Variants in SEC14L3 observed in about 807,000 individuals in gnomAD.
SEC14L3 encodes SEC14 like lipid binding 3, also known as SEC14-like protein 3.
A neutral mutation model predicts 57.4 loss-of-function variants in SEC14L3; 56 were observed. The ratio of observed to expected loss-of-function variants is 0.97; its 90% confidence interval spans 0.79 to 1.22. The LOEUF (loss-of-function observed/expected upper bound fraction) is 1.22, where lower values mean the gene tolerates loss of function less well. Among genes scored for constraint, SEC14L3 ranks in the 50% most tolerant of loss-of-function variants. The pLI, the probability that SEC14L3 is intolerant of heterozygous loss-of-function variation, is 0.00. For missense variants in SEC14L3, 485 were observed against 511.7 expected, an observed-to-expected ratio of 0.95 and a Z score of 0.50; for synonymous variants, 173 against 194.4, an observed-to-expected ratio of 0.89 and a Z score of 0.92.
At chr22:30,456,490 C>T (rs1021684368), downstream of SEC14L3, among the ~76,000 whole-genome samples, 2 of 151,904 alleles carry the variant, frequency 1.3e-5, no homozygotes, top group African/African-American at 4.8e-5. Context: ...GGAAGGGGAG[C>T]CAGCGTGTCA....
chr22:30,466,758 G>T (rs1371797660), intron 6 of SEC14L3, among the ~76,000 whole-genome samples: 1 of 152,144 alleles, frequency 6.6e-6, no homozygotes, highest in Non-Finnish European at 1.5e-5. Flanking sequence ...CATGGAGAGG[G>T]TTTGGTGGAA....
chr22:30,462,868 C>T (rs1455187298), intron 8 of SEC14L3, among the ~76,000 whole-genome samples: 1 of 151,936 alleles, frequency 6.6e-6, no homozygotes, highest in Non-Finnish European at 1.5e-5. Flanking sequence ...TCTTGAGTAT[C>T]TGGGATTACA....
Position 30,460,138 on chromosome 22 carries a change from G to C in SEC14L3, c.1086C>G (p.Val362=). 6.2e-7 allele frequency: 1 copy of C among 1,613,836 alleles called. No individual in the cohort carries two copies. Among genetic ancestry groups the C allele is most frequent in the Non-Finnish European group, 8.5e-7 (1 of 1,179,786 alleles). The change falls in exon 12 of 12, where the codon GTC becomes GTG. Residue 362 remains valine, a synonymous_variant. Transcript: ENST00000215812. The part of the protein sequence containing the change: ...NLTCSEAGVY[V]LRFDNTYSFV... Reference sequence around the variant, plus strand: ...AGCTATAGGTGTTGTCGAAGCGTAGGACATCTGGGGGACAGATGGAAAGAG... The same window carrying C: ...AGCTATAGGTGTTGTCGAAGCGTAGCACATCTGGGGGACAGATGGAAAGAG...
chr22:30,461,758 C>T, intron 9 of SEC14L3, 64 bp from the exon 10 acceptor site: 1 of 1,556,352 alleles, frequency 6.4e-7, no homozygotes, highest in Non-Finnish European at 8.7e-7. Context: ...TTTCTTCTGC[C>T]TGAGACACTT....
chr22:30,454,806 T>C (rs1329021443), downstream of SEC14L3, among the ~76,000 whole-genome samples: 1 of 47,166 alleles, frequency 2.1e-5, no homozygotes, highest in Non-Finnish European at 3.1e-5. Flanking sequence ...TTGTATATTA[T>C]ATATTTTATA....
chr22:30,468,933 G>T (rs1601826027), intron 4 of SEC14L3: 25 of 1,466,000 alleles, frequency 1.7e-5, no homozygotes, highest in Non-Finnish European at 2.3e-5. Flanking sequence ...TCTTAGGTCT[G>T]CCCCTGATGT....
Position 30,461,711 on chromosome 22 carries a change from A to G in SEC14L3, c.772-17T>C, listed in dbSNP as rs377287906. 3.2e-5 allele frequency: 51 copies of G among 1,607,886 alleles called. No homozygotes were observed. The highest frequency in any genetic ancestry group is 3.3e-4 in the Middle Eastern group (2 of 5,986). On this transcript the variant is annotated splice_polypyrimidine_tract_variant and intron_variant, in intron 9 of 11. Transcript: ENST00000215812. ...ATAGTTAATCTGCGGACATGGGATG[A>G]GATGGGCTTGCTTCCGTCTCCTGGC...
chr22:30,456,751 T>A (rs1041423594), downstream of SEC14L3, among the ~76,000 whole-genome samples: 9 of 152,148 alleles, frequency 5.9e-5, no homozygotes, highest in African/African-American at 2.2e-4. Context: ...GTGGGTCTCT[T>A]TCCTTCCCCA....
chr22:30,459,940 C>A lies in SEC14L3; in HGVS notation c.*81G>T. On this transcript the variant is annotated 3_prime_UTR_variant, in exon 12 of 12. Coordinates refer to ENST00000215812, the MANE Select transcript of SEC14L3 (RefSeq NM_174975.5). ...TCACAGAGTCAGGAGGACTAACAAT[C>A]AATTTCAGGGAGGGAGGGAGTGTAG... The A allele has an allele frequency of 6.5e-7, 1 of 1,547,950 alleles. No individual in the cohort carries two copies.
chr22:30,459,758 T>G lies in SEC14L3; in HGVS notation c.*263A>C. Reference sequence around the variant, plus strand: ...AAAGGCTAGGGGATTCATTTTGCTATTTATTGAGTTTCATGACACCCACTT... The same window carrying G: ...AAAGGCTAGGGGATTCATTTTGCTAGTTATTGAGTTTCATGACACCCACTT... On this transcript the variant is annotated 3_prime_UTR_variant, in exon 12 of 12. Coordinates refer to ENST00000215812, the MANE Select transcript of SEC14L3 (RefSeq NM_174975.5). The G allele has an allele frequency of 8.7e-7, 1 of 1,149,962 alleles. No homozygotes were observed. The highest frequency in any genetic ancestry group is 1.1e-6 in the Non-Finnish European group (1 of 929,616). The allele number at this position is 1,149,962 out of a possible 1,614,324, so 71.2% of individuals were successfully genotyped here. A position where few individuals can be genotyped will look rare whatever the true frequency, so the allele number is the denominator to read the frequency against.
At position 30,468,565 on chromosome 22, in the gene SEC14L3, C is replaced by T. The variant is rs376335151; in HGVS notation, c.366G>A (p.Lys122=). ...LFSVTKQDLL[K]TKMRDCERIL... ...TGCGCTCACAGTCCCTCATCTTGGTCTTGAGCAGGTCCTGCTTGGTGACTG... is the reference window on the plus strand; with the variant it reads ...TGCGCTCACAGTCCCTCATCTTGGTTTTGAGCAGGTCCTGCTTGGTGACTG... Residue 122 remains lysine (K), a synonymous_variant, in exon 5 of 12, where the codon AAG becomes AAA. Transcript: ENST00000215812. The T allele has an allele frequency of 1.2e-6, 2 of 1,613,814 alleles. No homozygotes were observed. Among genetic ancestry groups the T allele is most frequent in the Non-Finnish European group, 1.7e-6 (2 of 1,180,014 alleles).
intron 4 of SEC14L3, among the ~76,000 whole-genome samples, chr22:30,469,612 G>T (rs961707965): frequency 1.3e-5 from 2 of 152,220 alleles, no homozygotes; most frequent in African/African-American, 2.4e-5. Flanking sequence ...GGATGCTTTA[G>T]GCAATGCCTT....
At chr22:30,454,362 G>C (rs1215793416), downstream of SEC14L3, among the ~76,000 whole-genome samples, 1 of 151,746 alleles carries the variant, frequency 6.6e-6, no homozygotes, top group Non-Finnish European at 1.5e-5. Context: ...GCAACAGAGA[G>C]ACTCTCTTCT....
At chr22:30,470,155 G>T in intron 3 of SEC14L3, 57 bp downstream of exon 3, 2 of 1,611,516 alleles carry the variant, frequency 1.2e-6, no homozygotes, top group Non-Finnish European at 1.7e-6. Flanking sequence ...GGGGCTTGAG[G>T]CATGGATTGC....
intron 11 of SEC14L3, among the ~76,000 whole-genome samples, chr22:30,461,106 G>A (rs1482722024): frequency 6.6e-6 from 1 of 152,150 alleles, no homozygotes; most frequent in East Asian, 1.9e-4. Flanking sequence ...ATTCCTTCAG[G>A]GCCTGTATGT....
chr22:30,467,118 T>A, intron 5 of SEC14L3, 41 bp from the exon 6 acceptor site: 1 of 1,612,684 alleles, frequency 6.2e-7, no homozygotes, highest in Non-Finnish European at 8.5e-7. Context: ...GAGTTCAGGG[T>A]GTAGGCTTGG....
chr22:30,461,491 AG>A lies in SEC14L3; in HGVS notation c.912-13del. ...ATGAGAACTGCCACCTGTCAGGGGGAGGGGGAGGAGACAGGTTGCTGCTCAG... is the reference window on the plus strand; with the variant it reads ...ATGAGAACTGCCACCTGTCAGGGGGAGGGGAGGAGACAGGTTGCTGCTCAG... On this transcript the variant is annotated splice_polypyrimidine_tract_variant and intron_variant, in intron 10 of 11. Transcript: ENST00000215812. The A allele has an allele frequency of 1.9e-6, 3 of 1,610,550 alleles. No homozygotes were observed. The South Asian group carries it at 3.3e-5, about 18-fold the overall frequency.
intron 4 of SEC14L3, among the ~76,000 whole-genome samples, chr22:30,469,343 C>T (rs150478707): frequency 6.6e-6 from 1 of 151,934 alleles, no homozygotes; most frequent in African/African-American, 2.4e-5. Context: ...ACTGCTGCTT[C>T]TGTACTGTGT....
intron 5 of SEC14L3, among the ~76,000 whole-genome samples, chr22:30,467,415 A>G (rs1045667227): frequency 1.3e-5 from 2 of 152,172 alleles, no homozygotes; most frequent in Non-Finnish European, 2.9e-5. Flanking sequence ...ATATAAACTG[A>G]TAAATATAAA....
Sources: gnomAD v4.1 joint callset for allele counts (sites outside exome capture counted in the v4.1 genomes callset) on GRCh38, gnomAD v4.1.1 for gene constraint, MANE v1.5 for transcripts, NCBI Gene and HGNC (gene_info 2026-07-23, HGNC 2026-07-21) for gene names.